Variants in CDIN1 observed in about 807,000 individuals in gnomAD.
CDIN1 encodes CDAN1 interacting nuclease 1.
In CDIN1, 33 loss-of-function variants were observed where a neutral mutation model predicts 45.3. The observed-to-expected ratio is 0.73, with a 90% CI of 0.55 to 0.97. The LOEUF is 0.97. CDIN1 is among the 50% of genes least tolerant of loss of function. The probability of loss-of-function intolerance (pLI) is 0.00; values close to 1 mark genes in which losing one functional copy is unlikely to be tolerated. For synonymous variants in CDIN1, 118 were observed against 124.4 expected (o/e 0.95, Z 0.34); for missense variants, 303 against 339.4 (o/e 0.89, Z 0.84).
intron 10 of CDIN1, among the ~76,000 whole-genome samples, chr15:36,721,239 A>G (rs181454506): frequency 6.6e-6 from 1 of 152,198 alleles, no homozygotes; most frequent in Admixed American, 6.5e-5. Context: ...GTTCACTCTG[A>G]TGGTAGTTTG....
chr15:36,675,769 T>A (rs112837881), intron 5 of CDIN1, among the ~76,000 whole-genome samples: 30 of 152,170 alleles, frequency 2.0e-4, no homozygotes, highest in African/African-American at 5.1e-4. Context: ...TTTAAATGAA[T>A]AGCTCATTTG....
intron 5 of CDIN1, among the ~76,000 whole-genome samples, chr15:36,690,174 A>G (rs2042191858): frequency 6.6e-6 from 1 of 152,242 alleles, no homozygotes; most frequent in South Asian, 2.1e-4. Context: ...AGTAATTAAA[A>G]TAATCATGCT....
intron 8 of CDIN1, chr15:36,709,007 A>C (rs1467965472): frequency 2.3e-5 from 9 of 390,700 alleles, no homozygotes; most frequent in Non-Finnish European, 3.2e-5. Context: ...TAACGAAAAC[A>C]TGCAGAAAAA....
intron 10 of CDIN1, among the ~76,000 whole-genome samples, chr15:36,731,986 C>T (rs764684126): frequency 1.7e-4 from 26 of 152,180 alleles, no homozygotes; most frequent in Non-Finnish European, 2.4e-4. Flanking sequence ...TTACAAACTT[C>T]GTTACGTCAC....
chr15:36,653,242 G>A (rs904085028), intron 3 of CDIN1, among the ~76,000 whole-genome samples: 11 of 152,058 alleles, frequency 7.2e-5, no homozygotes, highest in African/African-American at 2.2e-4. Flanking sequence ...GTAGTGGATC[G>A]AAGAAGGTGA....
intron 3 of CDIN1, among the ~76,000 whole-genome samples, chr15:36,645,782 C>T (rs2040302542): frequency 6.6e-6 from 1 of 151,982 alleles, no homozygotes; most frequent in Non-Finnish European, 1.5e-5. Context: ...AAAGATGTAT[C>T]AAGTAAAGGC....
At chr15:36,602,933 A>G (rs995645612) in intron 1 of CDIN1, among the ~76,000 whole-genome samples, 3 of 152,040 alleles carry the variant, frequency 2.0e-5, no homozygotes, top group Non-Finnish European at 2.9e-5. Context: ...GCTTGCAGTG[A>G]GCCGAGATCA....
At chr15:36,606,174 A>G (rs564774642) in intron 1 of CDIN1, among the ~76,000 whole-genome samples, 8 of 152,192 alleles carry the variant, frequency 5.3e-5, no homozygotes, top group Admixed American at 6.5e-5. Context: ...AGTGTTACAT[A>G]TATTTTATAT....
chr15:36,704,894 A>G (rs2042805443), intron 8 of CDIN1: 1 of 151,834 alleles, frequency 6.6e-6, no homozygotes, highest in African/African-American at 2.4e-5. Flanking sequence ...AAAGCCCTCA[A>G]ACCTTTTCTT....
chr15:36,618,262 G>T, intron 1 of CDIN1: 1 of 665,364 alleles, frequency 1.5e-6, no homozygotes, highest in Non-Finnish European at 2.7e-6. Flanking sequence ...AGAGGACTCT[G>T]TATCATTGGG....
At chr15:36,806,255 G>T (rs2055222233) in intron 10 of CDIN1, among the ~76,000 whole-genome samples, 1 of 152,130 alleles carries the variant, frequency 6.6e-6, no homozygotes, top group Admixed American at 6.5e-5. Context: ...GTGTTCCCCA[G>T]CCTGGCTTTT....
chr15:36,617,483 C>T, intron 1 of CDIN1: 1 of 923,418 alleles, frequency 1.1e-6, no homozygotes, highest in East Asian at 2.4e-5. Context: ...TTCTGGTTTT[C>T]ACGAGAAAAT....
chr15:36,707,645 A>G (rs997581711), intron 8 of CDIN1: 1 of 152,204 alleles, frequency 6.6e-6, no homozygotes, highest in African/African-American at 2.4e-5. Flanking sequence ...AGATTTTAAC[A>G]TCTGAAAAGG....
intron 1 of CDIN1, among the ~76,000 whole-genome samples, chr15:36,632,162 A>G (rs530633405): frequency 7.9e-5 from 12 of 152,252 alleles, no homozygotes; most frequent in South Asian, 6.2e-4. Flanking sequence ...ATGTTGAGAA[A>G]CAAACTGTTT....
At chr15:36,712,879 C>A (rs1388186012) in intron 10 of CDIN1, among the ~76,000 whole-genome samples, 1 of 152,060 alleles carries the variant, frequency 6.6e-6, no homozygotes, top group Non-Finnish European at 1.5e-5. Context: ...AAGAATGCCT[C>A]TGGGAAGCAT....
intron 1 of CDIN1, among the ~76,000 whole-genome samples, chr15:36,623,026 C>G (rs968738450): frequency 3.3e-5 from 5 of 152,206 alleles, no homozygotes; most frequent in Non-Finnish European, 7.3e-5. Flanking sequence ...CTAACATAAT[C>G]TAATGCAATG....
At chr15:36,700,065 G>A (rs2042577593) in intron 8 of CDIN1, among the ~76,000 whole-genome samples, 2 of 152,112 alleles carry the variant, frequency 1.3e-5, no homozygotes, top group Admixed American at 1.3e-4. Context: ...GTCAGATGAA[G>A]TGTCTGCTTT....
chr15:36,802,641 C>T (rs1047081661), intron 10 of CDIN1, among the ~76,000 whole-genome samples: 2 of 151,706 alleles, frequency 1.3e-5, no homozygotes, highest in Non-Finnish European at 2.9e-5. Context: ...GTGTTAGAGG[C>T]GTGGCAAGGA....
rs2044220996 is a variant in CDIN1, at chr15:36,741,089, A to G, written c.716+31128A>G. Among the ~76,000 whole-genome samples the G allele has an allele frequency of 2.6e-5, 4 of 152,268 alleles. No individual in the cohort carries two copies. The South Asian group carries it at 6.2e-4, about 24-fold the overall frequency. ...GTAGCTGAGAATATAGGTGTGGACCACCACACCCAGCTTTTTTAAAGAATT... is the reference window on the plus strand; with the variant it reads ...GTAGCTGAGAATATAGGTGTGGACCGCCACACCCAGCTTTTTTAAAGAATT... On this transcript the variant is annotated intron_variant, in intron 10 of 10. Coordinates refer to ENST00000566621, the MANE Select transcript of CDIN1 (RefSeq NM_001321759.2).
Sources: gnomAD v4.1 joint callset for allele counts (sites outside exome capture counted in the v4.1 genomes callset) on GRCh38, gnomAD v4.1.1 for gene constraint, MANE v1.5 for transcripts, NCBI Gene and HGNC (gene_info 2026-07-23, HGNC 2026-07-21) for gene names.